Variants in PHEX observed in about 807,000 individuals in gnomAD.
The protein encoded by PHEX is phosphate regulating endopeptidase X-linked, also known as phosphate-regulating neutral endopeptidase PHEX.
In PHEX, 16 loss-of-function variants were observed where a neutral mutation model predicts 68.0. That is an observed-to-expected ratio of 0.24 (90% CI 0.16 to 0.36). PHEX has a LOEUF of 0.36. Ranked by LOEUF, PHEX falls within the 10% of genes least tolerant of loss-of-function variation. The pLI, the probability that PHEX is intolerant of heterozygous loss-of-function variation, is 1.00. For synonymous variants in PHEX, 208 were observed against 205.1 expected (o/e 1.01, Z -0.12); for missense variants, 480 against 575.5 (o/e 0.83, Z 1.70).
intron 20 of PHEX, among the ~76,000 whole-genome samples, chrX:22,237,205 T>TTAGAG (rs1202101659): frequency 1.8e-5 from 2 of 112,070 alleles, no homozygotes; most frequent in Admixed American, 9.5e-5. Flanking sequence ...CAATACTATA[T>TTAGAG]TAGAGTATAA....
At chrX:22,238,876 C>T (rs1245856031) in intron 20 of PHEX, among the ~76,000 whole-genome samples, 1 of 112,026 alleles carries the variant, frequency 8.9e-6, no homozygotes, top group Non-Finnish European at 1.9e-5. Context: ...TCGAGCTCTG[C>T]TAAGGGTCAG....
Position 22,168,378 on chromosome X carries a change from G to A in PHEX, c.1471G>A (p.Asp491Asn). The change falls in exon 13 of 22, where the codon GAC becomes AAC. Residue 491 changes from aspartate to asparagine, a missense_variant. Coordinates refer to ENST00000379374, the MANE Select transcript of PHEX (RefSeq NM_000444.6). Reference protein sequence around the residue: ...FIMNDTHVNEDLKAIKFSEAD... With the variant: ...FIMNDTHVNENLKAIKFSEAD... ...AATGAATGATACTCATGTTAATGAA[G>A]ACCTCAAAGCTGTAAGTGCTAAATT... The A allele has an allele frequency of 8.5e-7, 1 of 1,172,605 alleles. No homozygotes were observed. Among genetic ancestry groups the A allele is most frequent in the South Asian group, 1.8e-5 (1 of 56,095 alleles).
intron 18 of PHEX, 96 bp downstream of exon 18, chrX:22,221,839 T>C (rs1935280741): frequency 1.3e-6 from 1 of 784,668 alleles, no homozygotes; most frequent in Non-Finnish European, 2.0e-6. Flanking sequence ...AAAGCGTGTT[T>C]ACAAGATCAA....
chrX:22,145,660 C>T (rs1035715136), intron 12 of PHEX, among the ~76,000 whole-genome samples: 2 of 110,518 alleles, frequency 1.8e-5, no homozygotes, highest in East Asian at 5.6e-4. Flanking sequence ...AATGTGCAGC[C>T]AGGCTTGAAA....
chrX:22,106,430 T>C (rs1014251021), intron 9 of PHEX, among the ~76,000 whole-genome samples: 1 of 111,610 alleles, frequency 9.0e-6, no homozygotes, highest in African/African-American at 3.3e-5. Context: ...AGCATCTTTG[T>C]TGGAGTGTTT....
chrX:22,058,772 C>T (rs961878277), intron 3 of PHEX, among the ~76,000 whole-genome samples: 1 of 112,185 alleles, frequency 8.9e-6, no homozygotes, highest in Non-Finnish European at 1.9e-5. Context: ...CGCTCTAGAG[C>T]TTCTCTGGAT....
intron 6 of PHEX, among the ~76,000 whole-genome samples, chrX:22,092,986 G>A (rs190754763): frequency 1.5e-4 from 17 of 109,995 alleles, no homozygotes; most frequent in African/African-American, 5.0e-4. Context: ...TCCTGACCTC[G>A]TGATCCACCT....
intron 5 of PHEX, among the ~76,000 whole-genome samples, chrX:22,086,365 A>T (rs1485500358): frequency 9.0e-6 from 1 of 111,586 alleles, no homozygotes; most frequent in Non-Finnish European, 1.9e-5. Context: ...GGCACTCATG[A>T]TGCCTTCTGT....
At chrX:22,204,509 G>T (rs1470635355) in intron 15 of PHEX, among the ~76,000 whole-genome samples, 1 of 111,861 alleles carries the variant, frequency 8.9e-6, no homozygotes, top group Non-Finnish European at 1.9e-5. Flanking sequence ...TTGTCGAGTG[G>T]TATCCTTTCT....
intron 14 of PHEX, among the ~76,000 whole-genome samples, chrX:22,189,424 T>G (rs1309482730): frequency 9.0e-6 from 1 of 111,677 alleles, no homozygotes; most frequent in African/African-American, 3.3e-5. Context: ...TTATTCTCAT[T>G]AATAGGCATA....
intron 20 of PHEX, among the ~76,000 whole-genome samples, chrX:22,231,917 T>G (rs191137079): frequency 5.5e-4 from 62 of 112,364 alleles, no homozygotes; most frequent in Non-Finnish European, 8.1e-4. Flanking sequence ...GTGCTATAAA[T>G]TTCTCTCTAC....
At chrX:22,045,661 A>T (rs1927496290) in intron 2 of PHEX, among the ~76,000 whole-genome samples, 1 of 112,285 alleles carries the variant, frequency 8.9e-6, no homozygotes, top group African/African-American at 3.2e-5. Context: ...TTATACACAT[A>T]CTCAGTTCTA....
chrX:22,141,823 A>G (rs1279307806), intron 12 of PHEX, among the ~76,000 whole-genome samples: 1 of 112,553 alleles, frequency 8.9e-6, no homozygotes, highest in African/African-American at 3.2e-5. Flanking sequence ...TTGATGTATC[A>G]CTTTGACTTT....
chrX:22,135,197 C>G (rs987728359), intron 12 of PHEX, among the ~76,000 whole-genome samples: 2 of 111,967 alleles, frequency 1.8e-5, no homozygotes, highest in African/African-American at 6.5e-5. Context: ...CTTCAAAAAT[C>G]TGTCAAAGCT....
intron 3 of PHEX, among the ~76,000 whole-genome samples, chrX:22,048,235 G>A (rs1257628642): frequency 9.0e-6 from 1 of 111,078 alleles, no homozygotes; most frequent in African/African-American, 3.3e-5. Flanking sequence ...TTTCTATTAG[G>A]AGACCCAAAT....
At chrX:22,216,316 G>A (rs1935084794) in intron 16 of PHEX, among the ~76,000 whole-genome samples, 2 of 110,941 alleles carry the variant, frequency 1.8e-5, no homozygotes, top group Middle Eastern at 4.2e-3. Flanking sequence ...CAGCAAATCC[G>A]GTGCATATGT....
chrX:22,069,484 T>A (rs1928792493), intron 3 of PHEX, among the ~76,000 whole-genome samples: 1 of 111,728 alleles, frequency 9.0e-6, no homozygotes, highest in African/African-American at 3.3e-5. Context: ...TATAATTAAT[T>A]TCATTATGGA....
At chrX:22,181,479 A>G (rs779255678) in intron 14 of PHEX, among the ~76,000 whole-genome samples, 11 of 111,856 alleles carry the variant, frequency 9.8e-5, no homozygotes, top group Non-Finnish European at 2.1e-4. Flanking sequence ...TTTGGTTACT[A>G]TAGCTCTGTA....
chrX:22,072,420 G>T (rs11798644), intron 3 of PHEX, among the ~76,000 whole-genome samples: 19,490 of 110,409 alleles, frequency 0.18, 1,402 homozygotes, highest in Middle Eastern at 0.26. Context: ...CAAAAAAAAA[G>T]AAAAATAAAA....
Sources: gnomAD v4.1 joint callset for allele counts (sites outside exome capture counted in the v4.1 genomes callset) on GRCh38, gnomAD v4.1.1 for gene constraint, MANE v1.5 for transcripts, NCBI Gene and HGNC (gene_info 2026-07-23, HGNC 2026-07-21) for gene names.